Variants in DDX31 observed in about 807,000 individuals in gnomAD.
The protein encoded by DDX31 is ATP-dependent DNA helicase DDX31.
In DDX31, 70 loss-of-function variants were observed where a neutral mutation model predicts 91.3. That is an observed-to-expected ratio of 0.77 (90% CI 0.63 to 0.94). DDX31 has a LOEUF of 0.94. Ranked by LOEUF, DDX31 falls within the 40% of genes least tolerant of loss-of-function variation. DDX31 has a pLI of 0.00. For missense variants in DDX31, 902 were observed against 925.0 expected, an observed-to-expected ratio of 0.98 and a Z score of 0.32; for synonymous variants, 362 against 350.6, an observed-to-expected ratio of 1.03 and a Z score of -0.36.
rs1004659304 is a variant in DDX31 at position 132,664,727 on chromosome 9, A to AAC, written c.76-2033_76-2032insGT. 3.3e-5 allele frequency among the ~76,000 whole-genome samples: 5 copies of AAC among 151,638 alleles called. 1 individual carries two copies. The East Asian group carries it at 9.7e-4, about 29-fold the overall frequency. ...GTAAGACCCTCGCTCAAAAAAAAAAAAAAAAAAAAACTGTAATATGATCAA... is the reference window on the plus strand; with the variant it reads ...GTAAGACCCTCGCTCAAAAAAAAAAAACAAAAAAAAAACTGTAATATGATCAA... On this transcript the variant is annotated intron_variant, in intron 1 of 19. Coordinates refer to ENST00000372159, the MANE Select transcript of DDX31 (RefSeq NM_022779.9).
intron 1 of DDX31, among the ~76,000 whole-genome samples, chr9:132,667,191 T>C (rs1317968428): frequency 6.6e-6 from 1 of 152,148 alleles, no homozygotes; most frequent in Non-Finnish European, 1.5e-5. Context: ...TAGTGTTAGA[T>C]ACAGCATAAT....
At chr9:132,659,613 C>T in intron 5 of DDX31, 97 bp downstream of exon 5, 1 of 1,237,090 alleles carries the variant, frequency 8.1e-7, no homozygotes, top group Non-Finnish European at 1.1e-6. Flanking sequence ...CGAAACAAAA[C>T]TGCCACCACC....
chr9:132,639,253 A>G (rs1833330725), intron 14 of DDX31, among the ~76,000 whole-genome samples: 1 of 152,086 alleles, frequency 6.6e-6, no homozygotes, highest in Admixed American at 6.5e-5. Context: ...ACCGAGAGGA[A>G]GCGAAGAACT....
At position 132,597,641 on chromosome 9, in the gene DDX31, C is replaced by T. The variant is rs554336652; in HGVS notation, c.1995-2529G>A. Reference sequence around the variant, plus strand: ...ACACTAATTGCCTACAGAAGCGGTGCGGGCTGCGGGAGCATCTTCCAGGCA... The same window carrying T: ...ACACTAATTGCCTACAGAAGCGGTGTGGGCTGCGGGAGCATCTTCCAGGCA... On this transcript the variant is annotated intron_variant, in intron 19 of 19. Transcript: ENST00000372159. 5.5e-4 allele frequency among the ~76,000 whole-genome samples: 84 copies of T among 152,304 alleles called. No homozygotes were observed. The South Asian group carries it at 0.016, about 29-fold the overall frequency.
At chr9:132,651,787 C>T (rs1340682539) in intron 7 of DDX31, among the ~76,000 whole-genome samples, 1 of 152,170 alleles carries the variant, frequency 6.6e-6, no homozygotes, top group African/African-American at 2.4e-5. Flanking sequence ...GAAGCATCCT[C>T]GAGAAGTAGC....
chr9:132,659,954 T>A (rs1026646020), intron 4 of DDX31, among the ~76,000 whole-genome samples, 174 bp from the exon 5 acceptor site: 1 of 152,184 alleles, frequency 6.6e-6, no homozygotes, highest in African/African-American at 2.4e-5. Context: ...ATTATAAAGA[T>A]CAAACCCTAG....
At chr9:132,623,087 G>A (rs560549168) in intron 17 of DDX31, among the ~76,000 whole-genome samples, 36 of 150,330 alleles carry the variant, frequency 2.4e-4, no homozygotes, top group Non-Finnish European at 4.6e-4. Context: ...CTGAGGTCAC[G>A]CCAGTGCATT....
chr9:132,652,517 C>T (rs1456736919), intron 6 of DDX31, 25 bp from the exon 7 acceptor site: 1 of 1,613,612 alleles, frequency 6.2e-7, no homozygotes, highest in South Asian at 1.1e-5. Context: ...AAAAAAAATG[C>T]CATGAGCAGG....
intron 1 of DDX31, among the ~76,000 whole-genome samples, chr9:132,669,314 TA>T (rs1211554032): frequency 1.6e-5 from 2 of 123,706 alleles, no homozygotes; most frequent in African/African-American, 3.1e-5. Context: ...GAAACATGTT[TA>T]GGGGTAATAT....
intron 18 of DDX31, 127 bp from the exon 19 acceptor site, chr9:132,612,382 C>T: frequency 2.0e-6 from 2 of 1,000,868 alleles, no homozygotes; most frequent in South Asian, 1.5e-5. Flanking sequence ...AGGACAATTA[C>T]AACATATACA....
At chr9:132,631,527 C>A (rs1832716608) in intron 15 of DDX31, among the ~76,000 whole-genome samples, 1 of 152,194 alleles carries the variant, frequency 6.6e-6, no homozygotes, top group Non-Finnish European at 1.5e-5. Context: ...TTAAAAATAC[C>A]ATTCTGTAGA....
At chr9:132,611,177 C>T (rs539919187) in intron 19 of DDX31, among the ~76,000 whole-genome samples, 3 of 152,218 alleles carry the variant, frequency 2.0e-5, no homozygotes, top group South Asian at 2.1e-4. Flanking sequence ...TGTAAATTAA[C>T]GTGGAAAAGG....
chr9:132,650,185 G>C (rs757378191), intron 9 of DDX31, 49 bp downstream of exon 9: 20 of 1,569,154 alleles, frequency 1.3e-5, no homozygotes, highest in Non-Finnish European at 1.7e-5. Context: ...TGAATAGGAA[G>C]GCAGGACACA....
intron 16 of DDX31, among the ~76,000 whole-genome samples, chr9:132,626,938 A>T (rs1004075293): frequency 8.5e-5 from 13 of 152,108 alleles, no homozygotes; most frequent in African/African-American, 2.9e-4. Context: ...CAGGAGTCAG[A>T]GGGAGAGTGC....
chr9:132,652,767 TAATG>T (rs1834289498), intron 6 of DDX31, among the ~76,000 whole-genome samples: 1 of 152,200 alleles, frequency 6.6e-6, no homozygotes, highest in Non-Finnish European at 1.5e-5. Context: ...ATTCTCGTGA[TAATG>T]AATAAGTCTC....
At chr9:132,657,503 CTCATT>C (rs1834644440) in intron 6 of DDX31, among the ~76,000 whole-genome samples, 1 of 152,164 alleles carries the variant, frequency 6.6e-6, no homozygotes, top group Non-Finnish European at 1.5e-5. Flanking sequence ...TACCTTCTCC[CTCATT>C]TATTTATTCA....
intron 16 of DDX31, among the ~76,000 whole-genome samples, chr9:132,626,932 A>G (rs1832428847): frequency 6.6e-6 from 1 of 152,076 alleles, no homozygotes. Context: ...AAAGGGCAGG[A>G]GTCAGAGGGA....
intron 1 of DDX31, among the ~76,000 whole-genome samples, chr9:132,666,928 T>G (rs1564345649): frequency 6.6e-6 from 1 of 152,066 alleles, no homozygotes; most frequent in African/African-American, 2.4e-5. Context: ...TTAGCCAGGA[T>G]GGTCTCGATC....
intron 7 of DDX31, among the ~76,000 whole-genome samples, chr9:132,651,471 A>T (rs1242516845): frequency 6.6e-6 from 1 of 152,222 alleles, no homozygotes; most frequent in Non-Finnish European, 1.5e-5. Context: ...TCTCCTTAGA[A>T]AGAGAAAGAA....
Sources: gnomAD v4.1 joint callset for allele counts (sites outside exome capture counted in the v4.1 genomes callset) on GRCh38, gnomAD v4.1.1 for gene constraint, MANE v1.5 for transcripts, NCBI Gene and HGNC (gene_info 2026-07-23, HGNC 2026-07-21) for gene names.